CMTM4: variants seen among roughly 807,000 people sequenced by gnomAD.
The protein encoded by CMTM4 is CKLF like MARVEL transmembrane domain containing 4, also known as CKLF-like MARVEL transmembrane domain-containing protein 4.
Under a neutral mutation model 19.0 loss-of-function variants are expected in CMTM4, and 8 were observed. The ratio of observed to expected loss-of-function variants is 0.42; its 90% confidence interval spans 0.25 to 0.76. The LOEUF (loss-of-function observed/expected upper bound fraction) is 0.76, where lower values mean the gene tolerates loss of function less well. CMTM4 is among the 30% of genes least tolerant of loss of function. The probability of loss-of-function intolerance (pLI) is 0.27; values close to 1 mark genes in which losing one functional copy is unlikely to be tolerated. For missense variants in CMTM4, 228 were observed against 290.2 expected (o/e 0.79, Z 1.56); for synonymous variants, 106 against 121.1 (o/e 0.88, Z 0.82).
chr16:66,690,291 G>A (rs1238645492), intron 1 of CMTM4, among the ~76,000 whole-genome samples: 1 of 152,124 alleles, frequency 6.6e-6, no homozygotes, highest in Admixed American at 6.6e-5. Context: ...AACCCTTCAC[G>A]GTTTGACCAG....
At chr16:66,674,731 TC>T (rs1277174583) in intron 1 of CMTM4, among the ~76,000 whole-genome samples, 2 of 148,872 alleles carry the variant, frequency 1.3e-5, no homozygotes, top group African/African-American at 5.0e-5. Context: ...TGTTACATAT[TC>T]TTTTTTTTTT....
downstream of CMTM4, chr16:66,612,763 G>C: frequency 1.0e-5 from 9 of 882,674 alleles, no homozygotes; most frequent in South Asian, 1.6e-5. This position sits in a 1 kb window ranked among gnomAD's most constrained non-coding sequence, Gnocchi z 6.0. Context: ...GACACAGCAG[G>C]CCCCCTACAG....
chr16:66,677,306 G>A (rs956868602), intron 1 of CMTM4, among the ~76,000 whole-genome samples: 2 of 152,252 alleles, frequency 1.3e-5, no homozygotes, highest in East Asian at 3.8e-4. Context: ...GAAGACAGGT[G>A]GGGGCAGGGA....
At chr16:66,691,422 G>A (rs1265015808) in intron 1 of CMTM4, among the ~76,000 whole-genome samples, 1 of 152,074 alleles carries the variant, frequency 6.6e-6, no homozygotes, top group South Asian at 2.1e-4. Flanking sequence ...AGATATAGGC[G>A]GAGGTAAGTG....
At chr16:66,612,675 G>T, downstream of CMTM4, 1 of 1,609,506 alleles carries the variant, frequency 6.2e-7, no homozygotes, top group Non-Finnish European at 8.5e-7. The surrounding 1 kb of genome is among the most constrained non-coding windows in gnomAD (Gnocchi z 6.0). Context: ...AGCCACACAG[G>T]CCTCCACCCC....
chr16:66,675,139 G>A (rs2016786749), intron 1 of CMTM4, among the ~76,000 whole-genome samples: 1 of 150,134 alleles, frequency 6.7e-6, no homozygotes, highest in Admixed American at 6.6e-5. Flanking sequence ...GGAGTGCAAT[G>A]GAGTGATCTC....
chr16:66,607,512 A>G, the CMTM4 span, among the ~76,000 whole-genome samples: 1 of 152,238 alleles, frequency 6.6e-6, no homozygotes, highest in Admixed American at 6.5e-5. Context: ...ATCTTTTAAC[A>G]CAAAATAAAT....
At chr16:66,672,737 G>A (rs1428947738) in intron 1 of CMTM4, among the ~76,000 whole-genome samples, 1 of 151,280 alleles carries the variant, frequency 6.6e-6, no homozygotes, top group Non-Finnish European at 1.5e-5. Context: ...AGCCTCCCAA[G>A]AAGCTGGGAT....
At chr16:66,647,105 G>A (rs1262073083) in intron 1 of CMTM4, among the ~76,000 whole-genome samples, 8 of 150,132 alleles carry the variant, frequency 5.3e-5, no homozygotes, top group Non-Finnish European at 1.5e-5. Flanking sequence ...CATGAAGTCA[G>A]GAGATCAAGA....
intron 1 of CMTM4, among the ~76,000 whole-genome samples, chr16:66,692,497 G>C (rs1291431832): frequency 6.6e-6 from 1 of 152,234 alleles, no homozygotes; most frequent in Non-Finnish European, 1.5e-5. Flanking sequence ...TCTGGGGTAA[G>C]GCCACTGATT....
intron 2 of CMTM4, among the ~76,000 whole-genome samples, chr16:66,632,056 G>A (rs1481097037): frequency 6.6e-6 from 1 of 152,244 alleles, no homozygotes; most frequent in African/African-American, 2.4e-5. Flanking sequence ...CACCCAGCCT[G>A]GGTTCTGAGA....
chr16:66,600,618 C>G, the CMTM4 span, among the ~76,000 whole-genome samples: 1 of 152,070 alleles, frequency 6.6e-6, no homozygotes, highest in African/African-American at 2.4e-5. Context: ...ACCCTTCCCC[C>G]CAAACACCTT....
At chr16:66,678,175 C>T (rs1420758237) in intron 1 of CMTM4, among the ~76,000 whole-genome samples, 2 of 151,992 alleles carry the variant, frequency 1.3e-5, no homozygotes, top group Admixed American at 1.3e-4. Context: ...GGCCTCATCT[C>T]TAAAAACAAA....
At chr16:66,686,532 G>GAA (rs34842335) in intron 1 of CMTM4, among the ~76,000 whole-genome samples, 1 of 128,464 alleles carries the variant, frequency 7.8e-6, no homozygotes, top group African/African-American at 2.8e-5. Flanking sequence ...CTGGGTGACA[G>GAA]TCAGACTCTG....
At chr16:66,610,029 G>A (rs371166783), downstream of CMTM4, 24 of 1,612,496 alleles carry the variant, frequency 1.5e-5, no homozygotes, top group East Asian at 1.8e-4. This position sits in a 1 kb window ranked among gnomAD's most constrained non-coding sequence, Gnocchi z 4.6. Context: ...GATCACCCCA[G>A]CAGTGCTGCA....
chr16:66,658,823 G>A (rs188792942), intron 1 of CMTM4, among the ~76,000 whole-genome samples: 29 of 152,244 alleles, frequency 1.9e-4, no homozygotes, highest in Admixed American at 3.3e-4. Context: ...GAGGAAGAAT[G>A]GCTGATCTAG....
At chr16:66,609,444 C>T in the CMTM4 span, 11 of 1,612,554 alleles carry the variant, frequency 6.8e-6, no homozygotes, top group Admixed American at 6.7e-5. The surrounding 1 kb of genome is among the most constrained non-coding windows in gnomAD (Gnocchi z 4.4). Context: ...GGACTTCCTG[C>T]GCTGTGTCAC....
chr16:66,617,838 G>A lies in CMTM4; in HGVS notation c.*4220C>T, dbSNP rs769134013. 2.7e-5 allele frequency: 27 copies of A among 993,518 alleles called. No homozygotes were observed. The highest frequency in any genetic ancestry group is 1.2e-4 in the African/African-American group (7 of 57,266). The allele number at this position is 993,518 out of a possible 1,614,324, so 61.5% of individuals were successfully genotyped here. A position where few individuals can be genotyped will look rare whatever the true frequency, so the allele number is the denominator to read the frequency against. On this transcript the variant is annotated 3_prime_UTR_variant, in exon 4 of 4. Transcript: ENST00000394106. ...GATGCCAGGAGCTCACCCACAGGAC[G>A]GGAAAGACCTGTCCCCAGCATCCCA... is the stretch of plus-strand genomic sequence containing the variant.
In CMTM4 at chr16:66,621,054, G is replaced by A. The variant is rs973554054; in HGVS notation, c.*1004C>T. On this transcript the variant is annotated 3_prime_UTR_variant, in exon 4 of 4. Coordinates refer to ENST00000394106, the MANE Select transcript of CMTM4 (RefSeq NM_181521.3). ...AGGGTGTGTTCTGGTGCAAATTCAAGTATTTTCAAATCCTAGACGAATCTG... is the reference window on the plus strand; with the variant it reads ...AGGGTGTGTTCTGGTGCAAATTCAAATATTTTCAAATCCTAGACGAATCTG... 1.0e-6 allele frequency: 1 copy of A among 985,896 alleles called. No individual in the cohort carries two copies. Among genetic ancestry groups the A allele is most frequent in the African/African-American group, 1.7e-5 (1 of 57,376 alleles). 61.1% of individuals were successfully genotyped at this position (985,896 alleles called of 1,614,324 possible). A position where few individuals can be genotyped will look rare whatever the true frequency, so the allele number is the denominator to read the frequency against.
Sources: gnomAD v4.1 joint callset for allele counts (sites outside exome capture counted in the v4.1 genomes callset) on GRCh38, gnomAD v4.1.1 for gene constraint, Gnocchi (gnomAD v3.1) non-coding constraint, MANE v1.5 for transcripts, NCBI Gene and HGNC (gene_info 2026-07-23, HGNC 2026-07-21) for gene names.